DEF6: variants seen among roughly 807,000 people sequenced by gnomAD.
DEF6 encodes DEF6 guanine nucleotide exchange factor.
DEF6 carries 32 observed loss-of-function variants against 80.5 expected under a neutral mutation model. The observed-to-expected ratio is 0.40, with a 90% CI of 0.30 to 0.53. DEF6 has a LOEUF of 0.53. Ranked by LOEUF, DEF6 falls within the 20% of genes least tolerant of loss-of-function variation. The pLI is 0.57. For missense variants in DEF6, 575 were observed against 818.7 expected, an observed-to-expected ratio of 0.70 and a Z score of 3.63; for synonymous variants, 300 against 337.9, an observed-to-expected ratio of 0.89 and a Z score of 1.23.
Position 35,312,330 on chromosome 6 carries a change from G to A in DEF6, c.452G>A (p.Ser151Asn). Reference sequence around the variant, plus strand: ...GAATACCTGCTGAAAAAGGTACTCAGCAGCATGAGCTTGGAGGTGAGCTTG... The same window carrying A: ...GAATACCTGCTGAAAAAGGTACTCAACAGCATGAGCTTGGAGGTGAGCTTG... ...EVEYLLKKVL[S>N]SMSLEVSLGE... The change falls in exon 4 of 11, where the codon AGC becomes AAC. Residue 151 changes from serine to asparagine, a missense_variant. Ser to Asn is a conservative substitution (Grantham distance 46, BLOSUM62 1). Coordinates refer to ENST00000316637, the MANE Select transcript of DEF6 (RefSeq NM_022047.4). This position sits in a 1 kb window ranked among gnomAD's most constrained non-coding sequence, Gnocchi z 6.6. The A allele has an allele frequency of 6.2e-7, 1 of 1,614,156 alleles. No homozygotes were observed. Among genetic ancestry groups the A allele is most frequent in the Non-Finnish European group, 8.5e-7 (1 of 1,180,018 alleles).
At chr6:35,309,264 G>C (rs922195637) in intron 1 of DEF6, among the ~76,000 whole-genome samples, 2 of 152,198 alleles carry the variant, frequency 1.3e-5, no homozygotes, top group Admixed American at 6.5e-5. Flanking sequence ...CTTGTTCAGT[G>C]TGGGTCTTTT....
intron 1 of DEF6, among the ~76,000 whole-genome samples, chr6:35,302,167 G>T (rs150294681): frequency 2.0e-3 from 300 of 152,154 alleles, no homozygotes; most frequent in African/African-American, 6.9e-3. Flanking sequence ...TTTGAGACCA[G>T]CCCTGGCAGC....
chr6:35,316,721 T>C (rs993187907), intron 5 of DEF6, among the ~76,000 whole-genome samples: 2 of 152,234 alleles, frequency 1.3e-5, no homozygotes, highest in African/African-American at 2.4e-5. Context: ...TTTGTGCATG[T>C]TGAACCATCC....
chr6:35,320,769 G>A, intron 9 of DEF6, 115 bp from the exon 10 acceptor site: 1 of 847,328 alleles, frequency 1.2e-6, no homozygotes, highest in South Asian at 1.6e-5. Flanking sequence ...TTTTTCTCTG[G>A]GGAGATGATC....
At chr6:35,303,680 GC>G (rs1489900961) in intron 1 of DEF6, among the ~76,000 whole-genome samples, 1 of 152,172 alleles carries the variant, frequency 6.6e-6, no homozygotes, top group African/African-American at 2.4e-5. Flanking sequence ...TGGAGGTCAG[GC>G]AGGATTGGGT....
At chr6:35,320,112 C>T (rs1430627450) in intron 9 of DEF6, 95 bp downstream of exon 9, 6 of 1,248,028 alleles carry the variant, frequency 4.8e-6, no homozygotes, top group East Asian at 2.6e-5. Flanking sequence ...AACCCTGGCC[C>T]TAGCAGCTGC....
In DEF6 at chr6:35,312,412, G is replaced by T; in HGVS notation, c.534G>T (p.Gly178=). The change falls in exon 4 of 11, where the codon GGG becomes GGT. Residue 178 remains glycine (G), a synonymous_variant. Coordinates refer to ENST00000316637, the MANE Select transcript of DEF6 (RefSeq NM_022047.4). The surrounding 1 kb of genome is among the most constrained non-coding windows in gnomAD (Gnocchi z 6.6). The part of the protein sequence containing the change: ...QEAQVAQTTG[G]LSVWQFLELF... ...CCCAGGTGGCCCAGACCACCGGGGG[G>T]CTCAGCGTCTGGCAGTTCCTGGAGC... The T allele has an allele frequency of 6.2e-7, 1 of 1,614,174 alleles. No homozygotes were observed. The highest frequency in any genetic ancestry group is 8.5e-7 in the Non-Finnish European group (1 of 1,180,038).
intron 5 of DEF6, 183 bp from the exon 6 acceptor site, chr6:35,317,708 A>G: frequency 3.5e-6 from 2 of 563,730 alleles, no homozygotes; most frequent in South Asian, 4.4e-5. Flanking sequence ...AGCAAAGGCT[A>G]CAGAGTTGTG....
Position 35,318,442 on chromosome 6 carries a change from C to T in DEF6, c.1186C>T (p.Leu396Phe), listed in dbSNP as rs1791549146. 1.3e-6 allele frequency: 2 copies of T among 1,481,974 alleles called. No homozygotes were observed. The highest frequency in any genetic ancestry group is 1.8e-6 in the Non-Finnish European group (2 of 1,124,238). The allele number at this position is 1,481,974 out of a possible 1,614,324, so 91.8% of individuals were successfully genotyped here. Residue 396 changes from leucine (L) to phenylalanine (F), a missense_variant, in exon 7 of 11, where the codon CTC (leucine) becomes TTC (phenylalanine). By Grantham distance (22) the Leu-to-Phe change is conservative. Transcript: ENST00000316637. The surrounding 1 kb of genome is among the most constrained non-coding windows in gnomAD (Gnocchi z 5.1). ...RSQHRELQQA[L>F]EGQLREAEQA... ...CCAGCACCGCGAGCTGCAGCAGGCGCTCGAGGGCCAACTGCGCGAGGCGGA... is the reference window on the plus strand; with the variant it reads ...CCAGCACCGCGAGCTGCAGCAGGCGTTCGAGGGCCAACTGCGCGAGGCGGA...
At chr6:35,300,483 C>T (rs984418729) in intron 1 of DEF6, among the ~76,000 whole-genome samples, 43 of 152,110 alleles carry the variant, frequency 2.8e-4, no homozygotes, top group Non-Finnish European at 2.1e-4. Flanking sequence ...GGCAAACCCA[C>T]GATGAGGCCA....
At chr6:35,317,365 A>G (rs567825374) in intron 5 of DEF6, among the ~76,000 whole-genome samples, 1 of 152,370 alleles carries the variant, frequency 6.6e-6, no homozygotes, top group Admixed American at 6.5e-5. Flanking sequence ...AATGATGCAT[A>G]TAAAATACTA....
In DEF6 at chr6:35,318,247, G is replaced by A. The variant is rs541285645; in HGVS notation, c.991G>A (p.Glu331Lys). Reference protein sequence around the residue: ...LHKDLKQKRREQREQRERRRA... With the variant: ...LHKDLKQKRRKQREQRERRRA... ...CAAGGACCTGAAGCAGAAACGGCGCGAGCAGCGGGAGCAGCGGGAGCGGCG... is the reference window on the plus strand; with the variant it reads ...CAAGGACCTGAAGCAGAAACGGCGCAAGCAGCGGGAGCAGCGGGAGCGGCG... Residue 331 changes from glutamate to lysine, a missense_variant, in exon 7 of 11, where the codon GAG (glutamate) becomes AAG (lysine). Transcript: ENST00000316637. This position sits in a 1 kb window ranked among gnomAD's most constrained non-coding sequence, Gnocchi z 5.1. The A allele has an allele frequency of 9.4e-5, 148 of 1,578,344 alleles. 1 individual carries two copies. The South Asian group carries it at 1.6e-3, about 17-fold the overall frequency.
In DEF6 at chr6:35,321,164, C is replaced by A. The variant is rs752099059; in HGVS notation, c.1673-23C>A. 8 of 1,609,646 alleles carry A rather than the reference C, an allele frequency of 5.0e-6. No individual in the cohort carries two copies. The South Asian group carries it at 7.7e-5, about 15-fold the overall frequency. ...TCACCTTTGCATGCCTTTCTCCTTA[C>A]TTGCCTGCCTTCTCTCTGCCAGATA... On this transcript the variant is annotated intron_variant, in intron 10 of 10. Transcript: ENST00000316637.
chr6:35,309,960 C>G, intron 2 of DEF6, 150 bp downstream of exon 2: 1 of 896,514 alleles, frequency 1.1e-6, no homozygotes, highest in Non-Finnish European at 1.7e-6. Context: ...CCATCACGTC[C>G]CTCACATCCC....
In DEF6 at chr6:35,318,449, G is replaced by A; in HGVS notation, c.1193G>A (p.Gly398Asp). The A allele has an allele frequency of 1.4e-6, 2 of 1,472,464 alleles. No individual in the cohort carries two copies. Among genetic ancestry groups the A allele is most frequent in the East Asian group, 2.6e-5 (1 of 37,786 alleles). The allele number at this position is 1,472,464 out of a possible 1,614,324, so 91.2% of individuals were successfully genotyped here. The change falls in exon 7 of 11, where the codon GGC (glycine) becomes GAC (aspartate). Residue 398 changes from glycine to aspartate, a missense_variant. Coordinates refer to ENST00000316637, the MANE Select transcript of DEF6 (RefSeq NM_022047.4). This position sits in a 1 kb window ranked among gnomAD's most constrained non-coding sequence, Gnocchi z 5.1. ...QHRELQQALE[G>D]QLREAEQARA... ...CGCGAGCTGCAGCAGGCGCTCGAGG[G>A]CCAACTGCGCGAGGCGGAGCAGGTG... is the stretch of plus-strand genomic sequence containing the variant.
intron 2 of DEF6, among the ~76,000 whole-genome samples, 153 bp downstream of exon 2, chr6:35,309,963 C>T (rs1410941056): frequency 6.6e-6 from 1 of 152,142 alleles, no homozygotes; most frequent in Non-Finnish European, 1.5e-5. Flanking sequence ...TCACGTCCCT[C>T]ACATCCCAGC....
Position 35,319,470 on chromosome 6 carries a change from C to T in DEF6, c.1216-54C>T, listed in dbSNP as rs3213573. 925 of 1,471,788 alleles carry T rather than the reference C, an allele frequency of 6.3e-4. 10 individuals are homozygous for T. The East Asian group carries it at 0.017, about 26-fold the overall frequency. The allele number at this position is 1,471,788 out of a possible 1,614,324, so 91.2% of individuals were successfully genotyped here. ...ACATGCCCACCCCCTCCTCCTCCGC[C>T]CCCACGTGCCCCTTTTGACCTGGCT... On this transcript the variant is annotated intron_variant, in intron 7 of 10. Transcript: ENST00000316637. This position sits in a 1 kb window ranked among gnomAD's most constrained non-coding sequence, Gnocchi z 4.5.
Position 35,321,243 on chromosome 6 carries a change from C to T in DEF6, c.1729C>T (p.His577Tyr). 8.7e-6 allele frequency: 14 copies of T among 1,613,608 alleles called. No homozygotes were observed. Among genetic ancestry groups the T allele is most frequent in the Non-Finnish European group, 1.2e-5 (14 of 1,180,002 alleles). ...FSGFQPPLLA[H>Y]RDSSLKRLTR... The stretch of plus-strand genomic sequence containing the variant: ...AGGCTTCCAGCCCCCTCTGCTTGCC[C>T]ACCGTGACTCCTCCCTAAAGCGCCT... The change falls in exon 11 of 11, where the codon CAC becomes TAC. Residue 577 changes from histidine to tyrosine, a missense_variant. Physicochemically the swap from His to Tyr is moderately conservative, Grantham distance 83. Coordinates refer to ENST00000316637, the MANE Select transcript of DEF6 (RefSeq NM_022047.4).
intron 3 of DEF6, among the ~76,000 whole-genome samples, chr6:35,310,883 C>T (rs1319264390): frequency 6.6e-6 from 1 of 152,186 alleles, no homozygotes; most frequent in East Asian, 1.9e-4. Context: ...TTCTGCTGGT[C>T]CTCACTGTAG....
Sources: allele counts gnomAD v4.1 joint callset (sites outside exome capture counted in the v4.1 genomes callset), GRCh38; gene constraint gnomAD v4.1.1; non-coding constraint Gnocchi (gnomAD v3.1); transcripts MANE v1.5; gene names NCBI Gene and HGNC (gene_info 2026-07-23, HGNC 2026-07-21).